Variants in RAPH1 observed in about 807,000 individuals in gnomAD.
The protein encoded by RAPH1 is Ras association (RalGDS/AF-6) and pleckstrin homology domains 1.
A neutral mutation model predicts 88.1 loss-of-function variants in RAPH1; 18 were observed. The ratio of observed to expected loss-of-function variants is 0.20; its 90% CI spans 0.14 to 0.30. The LOEUF (loss-of-function observed/expected upper bound fraction) is 0.30, where lower values mean the gene tolerates loss of function less well. Among genes scored for constraint, RAPH1 ranks in the 10% least tolerant of loss-of-function variants. RAPH1 has a pLI of 1.00. For missense variants in RAPH1, 1,448 were observed against 1,543.2 expected (o/e 0.94, Z 1.03); for synonymous variants, 587 against 559.0 (o/e 1.05, Z -0.71).
At chr2:203,534,775 G>A (rs1208336968) in intron 1 of RAPH1, among the ~76,000 whole-genome samples, 6 of 152,082 alleles carry the variant, frequency 3.9e-5, no homozygotes, top group Non-Finnish European at 7.4e-5. Flanking sequence ...CTGCGGTCCC[G>A]GGCCACCAGC....
intron 1 of RAPH1, among the ~76,000 whole-genome samples, chr2:203,530,991 G>A (rs1488136912): frequency 6.6e-6 from 1 of 152,102 alleles, no homozygotes; most frequent in Non-Finnish European, 1.5e-5. Flanking sequence ...ATGGGGAAAG[G>A]ACAGTCCTTT....
chr2:203,504,670 TAAAA>T (rs566237475), intron 1 of RAPH1, among the ~76,000 whole-genome samples: 2 of 141,096 alleles, frequency 1.4e-5, no homozygotes, highest in Admixed American at 7.1e-5. Flanking sequence ...GAATTTCTCC[TAAAA>T]AAAAAAAAAA....
intron 2 of RAPH1, among the ~76,000 whole-genome samples, chr2:203,493,029 A>G (rs1688344207): frequency 1.3e-5 from 2 of 152,358 alleles, no homozygotes; most frequent in South Asian, 2.1e-4. Flanking sequence ...GTAATGAACT[A>G]AAGTAATGAA....
intron 4 of RAPH1, among the ~76,000 whole-genome samples, chr2:203,485,678 C>T (rs1371270724): frequency 1.3e-5 from 2 of 152,214 alleles, no homozygotes; most frequent in African/African-American, 4.8e-5. Context: ...TGTTAACCCT[C>T]TCTACCTAGA....
At chr2:203,467,580 C>A (rs1035276533) in intron 4 of RAPH1, among the ~76,000 whole-genome samples, 1 of 151,908 alleles carries the variant, frequency 6.6e-6, no homozygotes, top group African/African-American at 2.4e-5. Flanking sequence ...GCCTGGGTGA[C>A]ACAGCAAGAC....
intron 2 of RAPH1, among the ~76,000 whole-genome samples, chr2:203,494,138 C>T (rs1688406516): frequency 6.6e-6 from 1 of 152,016 alleles, no homozygotes; most frequent in African/African-American, 2.4e-5. Context: ...CAGAAATAAG[C>T]TGCTAGTAAT....
chr2:203,494,017 A>AAAAAAAAAT (rs1581356790), intron 2 of RAPH1, among the ~76,000 whole-genome samples: 1 of 129,870 alleles, frequency 7.7e-6, no homozygotes, highest in Non-Finnish European at 1.7e-5. Context: ...AAAAAAAAAA[A>AAAAAAAAAT]TCCCCCCAAA....
In RAPH1 at chr2:203,439,260, TACACACACTGTACAGCTGTGTGTAC is replaced by T. The variant is rs1449404595; in HGVS notation, c.*152_*176del. 6.7e-6 allele frequency: 4 copies of T among 600,752 alleles called. No homozygotes were observed. Among genetic ancestry groups the T allele is most frequent in the Non-Finnish European group, 1.2e-5 (4 of 337,982 alleles). 37.2% of individuals were successfully genotyped at this position (600,752 alleles called of 1,614,324 possible). ...ACACATACATATATGTATACATATA[TACACACACTGTACAGCTGTGTGTAC>T]ATGCACGTGTACACACACACATACA... On this transcript the variant is annotated 3_prime_UTR_variant, in exon 14 of 14. Coordinates refer to ENST00000319170, the MANE Select transcript of RAPH1 (RefSeq NM_213589.3).
intron 13 of RAPH1, chr2:203,443,718 G>T (rs576182932): frequency 6.6e-6 from 1 of 152,290 alleles, no homozygotes; most frequent in African/African-American, 2.4e-5. Flanking sequence ...GGTGGCTCAT[G>T]CCTGTAATCC....
chr2:203,479,654 T>A (rs150287095), intron 4 of RAPH1, among the ~76,000 whole-genome samples: 1 of 151,452 alleles, frequency 6.6e-6, no homozygotes, highest in Non-Finnish European at 1.5e-5. Flanking sequence ...AAGAGATGAT[T>A]GCCTATGTTA....
chr2:203,517,103 C>CT (rs1689648813), intron 1 of RAPH1, among the ~76,000 whole-genome samples: 1 of 151,578 alleles, frequency 6.6e-6, no homozygotes, highest in Non-Finnish European at 1.5e-5. Context: ...AGACCCAACT[C>CT]TGTTGTCTAC....
chr2:203,506,011 T>C (rs546227010), intron 1 of RAPH1, among the ~76,000 whole-genome samples: 1 of 152,158 alleles, frequency 6.6e-6, no homozygotes, highest in African/African-American at 2.4e-5. Flanking sequence ...AAAACGGTCT[T>C]GAAACTATGG....
At position 203,439,431 on chromosome 2, in the gene RAPH1, T is replaced by C; in HGVS notation, c.*6A>G. ...CAGATATCATGAAAATAAAGTCCTA[T>C]GGTGGCTACCAGTCTCTGGAGAGCT... On this transcript the variant is annotated 3_prime_UTR_variant, in exon 14 of 14. Transcript: ENST00000319170. 1 of 1,611,896 alleles carries C rather than the reference T, an allele frequency of 6.2e-7. No homozygotes were observed. The highest frequency in any genetic ancestry group is 1.1e-5 in the South Asian group (1 of 91,036).
At chr2:203,522,844 T>C (rs1167962534) in intron 1 of RAPH1, among the ~76,000 whole-genome samples, 4 of 136,426 alleles carry the variant, frequency 2.9e-5, no homozygotes, top group Non-Finnish European at 6.1e-5. Flanking sequence ...TGCAGTGAGC[T>C]GAGATCACGT....
intron 1 of RAPH1, among the ~76,000 whole-genome samples, chr2:203,524,004 A>C (rs963367922): frequency 6.6e-6 from 1 of 152,244 alleles, no homozygotes; most frequent in African/African-American, 2.4e-5. Flanking sequence ...ACTCTGTCTC[A>C]AAAGTAAAAA....
intron 1 of RAPH1, among the ~76,000 whole-genome samples, chr2:203,515,768 G>C (rs2253968): frequency 0.1 from 15,294 of 152,170 alleles, 1,545 homozygotes; most frequent in African/African-American, 0.26. Flanking sequence ...CTAGAATTCT[G>C]TACCTGGCAA....
intron 4 of RAPH1, among the ~76,000 whole-genome samples, chr2:203,471,388 G>C (rs1385217267): frequency 6.6e-6 from 1 of 152,200 alleles, no homozygotes; most frequent in Non-Finnish European, 1.5e-5. Context: ...AAGGCAGGCA[G>C]ATCTCTTGAG....
Position 203,439,778 on chromosome 2 carries a change from T to A in RAPH1, c.3412A>T (p.Ile1138Phe). Residue 1138 changes from isoleucine (I) to phenylalanine (F), a missense_variant, in exon 14 of 14, where the codon ATT becomes TTT. Transcript: ENST00000319170. ...NDSTRLTQAE[I>F]SEQPTMATVV... ...GTGGCCATTGTTGGCTGCTCAGAAA[T>A]CTCAGCTTGAGTGAGGCGGGTGCTA... is the stretch of plus-strand genomic sequence containing the variant. 6.2e-7 allele frequency: 1 copy of A among 1,614,080 alleles called. No individual in the cohort carries two copies. Among genetic ancestry groups the A allele is most frequent in the Non-Finnish European group, 8.5e-7 (1 of 1,180,016 alleles).
chr2:203,490,958 C>A (rs190631576), intron 3 of RAPH1, among the ~76,000 whole-genome samples: 1 of 150,388 alleles, frequency 6.6e-6, no homozygotes, highest in African/African-American at 2.4e-5. Flanking sequence ...GCAGGAGAAT[C>A]GCTTGAACCT....
Sources: allele counts gnomAD v4.1 joint callset (sites outside exome capture counted in the v4.1 genomes callset), GRCh38; gene constraint gnomAD v4.1.1; transcripts MANE v1.5; gene names NCBI Gene and HGNC (gene_info 2026-07-23, HGNC 2026-07-21).